Variants in DNER observed in about 807,000 individuals in gnomAD.
The protein encoded by DNER is delta and Notch-like epidermal growth factor-related receptor.
Under a neutral mutation model 78.2 loss-of-function variants are expected in DNER, and 33 were observed. That is an observed-to-expected ratio of 0.42 (90% CI 0.32 to 0.56). The LOEUF (loss-of-function observed/expected upper bound fraction) is 0.56. Among genes scored for constraint, DNER ranks in the 20% least tolerant of loss-of-function variants. DNER has a pLI of 0.11. For missense variants in DNER, 918 were observed against 975.3 expected, an observed-to-expected ratio of 0.94 and a Z score of 0.78; for synonymous variants, 417 against 384.8, an observed-to-expected ratio of 1.08 and a Z score of -0.98.
At chr2:229,680,891 G>C (rs1332478830) in intron 1 of DNER, among the ~76,000 whole-genome samples, 1 of 152,182 alleles carries the variant, frequency 6.6e-6, no homozygotes, top group African/African-American at 2.4e-5. Context: ...GTCCTACTAT[G>C]TTCTAGGCAC....
intron 7 of DNER, among the ~76,000 whole-genome samples, chr2:229,458,775 CA>C (rs57384162): frequency 1.2e-4 from 18 of 147,436 alleles, no homozygotes; most frequent in Non-Finnish European, 1.2e-4. Flanking sequence ...TCTATATATG[CA>C]AAAAAAAAGT....
intron 3 of DNER, among the ~76,000 whole-genome samples, chr2:229,587,713 T>C (rs1055591612): frequency 1.3e-5 from 2 of 151,478 alleles, no homozygotes; most frequent in African/African-American, 4.9e-5. Context: ...CAGTGGGGGG[T>C]TGTCAGCCGG....
intron 8 of DNER, among the ~76,000 whole-genome samples, chr2:229,436,572 G>A (rs1694123371): frequency 6.6e-6 from 1 of 152,100 alleles, no homozygotes; most frequent in Non-Finnish European, 1.5e-5. Context: ...CCTACAAAGT[G>A]AACTCCATCA....
chr2:229,389,450 A>G (rs2106336614), intron 10 of DNER, among the ~76,000 whole-genome samples: 1 of 152,250 alleles, frequency 6.6e-6, no homozygotes, highest in Admixed American at 6.5e-5. Context: ...AAGTTTGAAA[A>G]CGAGAAAAAG....
chr2:229,562,938 TCAA>T lies in DNER; in HGVS notation c.848-15849_848-15847del, dbSNP rs765840785. 9.5e-3 allele frequency among the ~76,000 whole-genome samples: 1,437 copies of T among 151,696 alleles called. 33 individuals are homozygous for T. Among genetic ancestry groups the T allele is most frequent in the African/African-American group, 0.033 (1,361 of 41,274 alleles). On this transcript the variant is annotated intron_variant, in intron 4 of 12. Transcript: ENST00000341772. ...CATCCTTATCCCATCACCATCATCA[TCAA>T]CATCATCATCCCACCACCATCATCA...
chr2:229,444,247 G>A (rs1310670999), intron 8 of DNER, among the ~76,000 whole-genome samples: 1 of 152,132 alleles, frequency 6.6e-6, no homozygotes, highest in Non-Finnish European at 1.5e-5. Flanking sequence ...GAATCTCCAC[G>A]GACAGAAAGA....
intron 1 of DNER, among the ~76,000 whole-genome samples, chr2:229,708,529 C>T (rs1699862855): frequency 6.6e-6 from 1 of 152,220 alleles, no homozygotes; most frequent in African/African-American, 2.4e-5. Context: ...CAGGATTCTG[C>T]AGTCACTGCC....
rs560924087 is a variant in DNER, at chr2:229,569,308, G to A, written c.847+16550C>T. 4.6e-5 allele frequency among the ~76,000 whole-genome samples: 7 copies of A among 152,266 alleles called. No individual in the cohort carries two copies. In the South Asian group the frequency reaches 1.2e-3, roughly 27 times the overall value. On this transcript the variant is annotated intron_variant, in intron 4 of 12. Transcript: ENST00000341772. ...GAGGCAAGGTGGGCGGATCACTTGA[G>A]GTCAGGAGTTTGAGACTATCCCGGC...
intron 5 of DNER, among the ~76,000 whole-genome samples, chr2:229,541,997 AATATATAAT>A (rs1696524743): frequency 6.8e-6 from 1 of 147,128 alleles, no homozygotes; most frequent in South Asian, 2.1e-4. Context: ...TTATATAATT[AATATATAAT>A]ATATATAATC....
intron 1 of DNER, among the ~76,000 whole-genome samples, chr2:229,673,081 A>T (rs570851435): frequency 6.6e-6 from 1 of 152,334 alleles, no homozygotes; most frequent in South Asian, 2.1e-4. Flanking sequence ...TGCATCTGCC[A>T]GGGATCCACT....
chr2:229,448,108 T>C (rs775423445), intron 7 of DNER, among the ~76,000 whole-genome samples: 4 of 152,122 alleles, frequency 2.6e-5, no homozygotes, highest in Non-Finnish European at 5.9e-5. Flanking sequence ...GTTTCTTGAA[T>C]ATATGCTTTT....
intron 1 of DNER, among the ~76,000 whole-genome samples, chr2:229,620,887 G>A (rs556592493): frequency 3.2e-4 from 48 of 152,302 alleles, no homozygotes; most frequent in South Asian, 1.7e-3. Context: ...AGGAGAGGCC[G>A]TATGAGGACA....
intron 1 of DNER, among the ~76,000 whole-genome samples, chr2:229,663,260 C>T (rs1699037549): frequency 6.6e-6 from 1 of 152,152 alleles, no homozygotes; most frequent in Non-Finnish European, 1.5e-5. Flanking sequence ...CAGGCTTCCT[C>T]CCAATAAAAC....
At chr2:229,539,412 A>G (rs1486834002) in intron 5 of DNER, among the ~76,000 whole-genome samples, 1 of 152,254 alleles carries the variant, frequency 6.6e-6, no homozygotes, top group Non-Finnish European at 1.5e-5. Context: ...TTTTGAAATG[A>G]TAAGGAAGAA....
intron 7 of DNER, among the ~76,000 whole-genome samples, chr2:229,451,185 G>A (rs1694449087): frequency 6.6e-6 from 1 of 152,212 alleles, no homozygotes; most frequent in Admixed American, 6.5e-5. Context: ...CAGGCCAGGC[G>A]TGATGGCTCA....
At chr2:229,533,931 A>G (rs556868805) in intron 5 of DNER, among the ~76,000 whole-genome samples, 71 of 152,370 alleles carry the variant, frequency 4.7e-4, no homozygotes, top group Middle Eastern at 6.8e-3. Flanking sequence ...TCTGATGACC[A>G]GAAGTGACTT....
chr2:229,457,269 T>C (rs2106366371), intron 7 of DNER, among the ~76,000 whole-genome samples: 2 of 152,156 alleles, frequency 1.3e-5, no homozygotes, highest in African/African-American at 4.8e-5. Flanking sequence ...GGAGTAAATA[T>C]TCATTTTTTT....
At chr2:229,675,975 C>A (rs879012477) in intron 1 of DNER, among the ~76,000 whole-genome samples, 1 of 152,218 alleles carries the variant, frequency 6.6e-6, no homozygotes, top group Non-Finnish European at 1.5e-5. Context: ...GAGAAGGAAG[C>A]TGCAGTTCTC....
chr2:229,555,786 TAA>T (rs68030461), intron 4 of DNER, among the ~76,000 whole-genome samples: 112 of 146,662 alleles, frequency 7.6e-4, no homozygotes, highest in Middle Eastern at 3.5e-3. Context: ...TCCAGTTTAC[TAA>T]AAAAAAAAAA....
Sources: gnomAD v4.1 joint callset for allele counts (sites outside exome capture counted in the v4.1 genomes callset) on GRCh38, gnomAD v4.1.1 for gene constraint, MANE v1.5 for transcripts, NCBI Gene and HGNC (gene_info 2026-07-23, HGNC 2026-07-21) for gene names.